Variants in FNDC7 observed in about 807,000 individuals in gnomAD.
FNDC7 encodes fibronectin type III domain-containing protein 7.
In FNDC7, 66 loss-of-function variants were observed where a neutral mutation model predicts 74.2. The observed-to-expected ratio is 0.89, with a 90% confidence interval of 0.73 to 1.09. The LOEUF is 1.09. Among genes scored for constraint, FNDC7 ranks in the 50% least tolerant of loss-of-function variants. FNDC7 has a pLI of 0.00. For synonymous variants in FNDC7, 307 were observed against 330.2 expected, an observed-to-expected ratio of 0.93 and a Z score of 0.76; for missense variants, 829 against 893.4, an observed-to-expected ratio of 0.93 and a Z score of 0.92.
intron 8 of FNDC7, 24 bp downstream of exon 8, chr1:108,728,910 A>G: frequency 1.9e-6 from 3 of 1,607,504 alleles, no homozygotes; most frequent in Non-Finnish European, 1.7e-6. Context: ...ACCAGCCTGA[A>G]TGTTGACTTC....
chr1:108,726,206 G>C (rs974119769), intron 6 of FNDC7, among the ~76,000 whole-genome samples: 1 of 152,210 alleles, frequency 6.6e-6, no homozygotes, highest in African/African-American at 2.4e-5. Flanking sequence ...TGCAAGGTTT[G>C]GGAGTGAAAA....
At chr1:108,732,381 A>C (rs937404214) in intron 9 of FNDC7, among the ~76,000 whole-genome samples, 1 of 151,092 alleles carries the variant, frequency 6.6e-6, no homozygotes, top group Non-Finnish European at 1.5e-5. Context: ...GCTACCATGG[A>C]TGAAGCGTGG....
chr1:108,733,838 C>CG (rs1227886966), intron 10 of FNDC7, among the ~76,000 whole-genome samples: 16 of 151,704 alleles, frequency 1.1e-4, no homozygotes, highest in Admixed American at 9.2e-4. Flanking sequence ...TTTGTAGAGA[C>CG]GGGGCTTCAG....
intron 7 of FNDC7, 116 bp downstream of exon 7, chr1:108,728,181 T>C: frequency 7.7e-7 from 1 of 1,296,824 alleles, no homozygotes; most frequent in Non-Finnish European, 1.1e-6. Context: ...TAATCAATCT[T>C]TGTGGAGACC....
Position 108,725,897 on chromosome 1 carries a change from C to T in FNDC7, c.1004C>T (p.Thr335Ile). Residue 335 changes from threonine (T) to isoleucine (I), a missense_variant, in exon 6 of 13, where the codon ACT becomes ATT. By Grantham distance (89) the Thr-to-Ile change is moderately conservative. Coordinates refer to ENST00000370017, the MANE Select transcript of FNDC7 (RefSeq NM_001144937.3). ...GLEVHCNTSLTQCNFLSECGF... is the reference protein window; with the variant it reads ...GLEVHCNTSLIQCNFLSECGF... ...GAAGTACACTGCAACACATCTCTCA[C>T]TCAGTGCAACTTCTTATCTGAGTGT... is the stretch of plus-strand genomic sequence containing the variant. The T allele has an allele frequency of 6.2e-7, 1 of 1,614,116 alleles. No individual in the cohort carries two copies. Among genetic ancestry groups the T allele is most frequent in the South Asian group, 1.1e-5 (1 of 91,076 alleles).
At chr1:108,732,723 CCT>C (rs995153656) in intron 9 of FNDC7, among the ~76,000 whole-genome samples, 7 of 151,696 alleles carry the variant, frequency 4.6e-5, no homozygotes, top group Non-Finnish European at 1.0e-4. Flanking sequence ...TCCCTCCCTC[CCT>C]CTCTTTTCTC....
At chr1:108,739,271 A>G (rs1316370566) in intron 11 of FNDC7, among the ~76,000 whole-genome samples, 1 of 152,176 alleles carries the variant, frequency 6.6e-6, no homozygotes, top group African/African-American at 2.4e-5. Context: ...AGACCAAAGC[A>G]GGATTGCTTG....
At position 108,722,216 on chromosome 1, in the gene FNDC7, C is replaced by T. The variant is rs957367208; in HGVS notation, c.599-119C>T. 2.9e-6 allele frequency: 3 copies of T among 1,031,548 alleles called. No homozygotes were observed. The African/African-American group carries it at 4.9e-5, about 17-fold the overall frequency. The allele number at this position is 1,031,548 out of a possible 1,614,324, so 63.9% of individuals were successfully genotyped here. A position where few individuals can be genotyped will look rare whatever the true frequency, so the allele number is the denominator to read the frequency against. ...CTAAATCCCAATTTTATGCTTTGAA[C>T]ACTTGTAATTATCCAACTATTGGGT... On this transcript the variant is annotated intron_variant, in intron 4 of 12. Transcript: ENST00000370017.
At chr1:108,713,378 T>C in intron 1 of FNDC7, 133 bp from the exon 2 acceptor site, 1 of 749,478 alleles carries the variant, frequency 1.3e-6, no homozygotes, top group Non-Finnish European at 2.3e-6. Flanking sequence ...GAAATACTTG[T>C]ATGGATTGAA....
intron 2 of FNDC7, among the ~76,000 whole-genome samples, chr1:108,714,434 G>A (rs1313684774): frequency 6.6e-6 from 1 of 152,066 alleles, no homozygotes; most frequent in Non-Finnish European, 1.5e-5. Flanking sequence ...TCAGCACTTT[G>A]GGAAGCCAAG....
chr1:108,718,015 A>G lies in FNDC7; in HGVS notation c.321A>G (p.Pro107=), dbSNP rs1570724383. 1 of 1,551,682 alleles carries G rather than the reference A, an allele frequency of 6.4e-7. No individual in the cohort carries two copies. The highest frequency in any genetic ancestry group is 2.4e-5 in the East Asian group (1 of 40,912). ...SAAGRSQASP[P]KQAKTVLAAP... ...CTGGGAGAAGCCAGGCGTCACCTCC[A>G]AAGCAGGCAAAGACAGGTGGCTGGA... The change falls in exon 3 of 13, where the codon CCA becomes CCG. Residue 107 remains proline (P), a synonymous_variant. Coordinates refer to ENST00000370017, the MANE Select transcript of FNDC7 (RefSeq NM_001144937.3).
Position 108,730,928 on chromosome 1 carries a change from G to A in FNDC7, c.1879G>A (p.Gly627Ser). The A allele has an allele frequency of 1.2e-6, 2 of 1,606,626 alleles. No homozygotes were observed. The highest frequency in any genetic ancestry group is 1.1e-5 in the South Asian group (1 of 89,362). ...TTGCTCCTACCAAAGTTATTTCTCTGGTAAGTGAACTCTAGCTCTAGAGTA... is the reference window on the plus strand; with the variant it reads ...TTGCTCCTACCAAAGTTATTTCTCTAGTAAGTGAACTCTAGCTCTAGAGTA... ...ADCSYQSYFS[G>S]ACCPLGVKLY... The change falls in exon 9 of 13, where the codon GGT (glycine) becomes AGT (serine). Residue 627 changes from glycine to serine, a missense_variant and splice_region_variant. Coordinates refer to ENST00000370017, the MANE Select transcript of FNDC7 (RefSeq NM_001144937.3).
At chr1:108,741,658 C>A in intron 11 of FNDC7, 115 bp from the exon 12 acceptor site, 2 of 1,095,112 alleles carry the variant, frequency 1.8e-6, no homozygotes, top group Admixed American at 2.0e-5. Context: ...TGAAGTGCTG[C>A]AAAAATAGCA....
chr1:108,722,101 C>G (rs1348813267), intron 4 of FNDC7, among the ~76,000 whole-genome samples: 2 of 152,066 alleles, frequency 1.3e-5, no homozygotes, highest in East Asian at 1.9e-4. Flanking sequence ...AAATAAATAA[C>G]AAAAAGGGTA....
chr1:108,713,566 A>G (rs937641677), intron 2 of FNDC7, 37 bp downstream of exon 2: 2 of 1,523,934 alleles, frequency 1.3e-6, no homozygotes, highest in East Asian at 2.5e-5. Flanking sequence ...TCCTTCTCGT[A>G]TTTGATTTTA....
chr1:108,739,644 C>T (rs1173781368), intron 11 of FNDC7, among the ~76,000 whole-genome samples: 1 of 152,204 alleles, frequency 6.6e-6, no homozygotes, highest in South Asian at 2.1e-4. Context: ...GTATTAGAAT[C>T]TCCTGGACAG....
intron 4 of FNDC7, among the ~76,000 whole-genome samples, chr1:108,719,780 G>A (rs1020713123): frequency 1.3e-5 from 2 of 150,936 alleles, no homozygotes; most frequent in African/African-American, 4.9e-5. Flanking sequence ...GAGAGAGAAC[G>A]AGAGGGGGTG....
chr1:108,718,720 T>C, intron 3 of FNDC7, 69 bp from the exon 4 acceptor site: 1 of 1,477,460 alleles, frequency 6.8e-7, no homozygotes, highest in South Asian at 1.3e-5. Context: ...TCAATTTACT[T>C]GCTTCTAAAT....
In FNDC7 at chr1:108,737,647, C is replaced by T. The variant is rs550139763; in HGVS notation, c.2170+123C>T. 4.7e-4 allele frequency: 325 copies of T among 694,258 alleles called. 2 individuals carry two copies. In the East Asian group the frequency reaches 8.6e-3, roughly 18 times the overall value. 43.0% of individuals were successfully genotyped at this position (694,258 alleles called of 1,614,324 possible). On this transcript the variant is annotated intron_variant, in intron 11 of 12. Coordinates refer to ENST00000370017, the MANE Select transcript of FNDC7 (RefSeq NM_001144937.3). ...CTTTCTTTCTTTGATACAAGGGGCTCCTGCTCTCTTATCCCATGACTTTTT... is the reference window on the plus strand; with the variant it reads ...CTTTCTTTCTTTGATACAAGGGGCTTCTGCTCTCTTATCCCATGACTTTTT...
Sources: gnomAD v4.1 joint callset for allele counts (sites outside exome capture counted in the v4.1 genomes callset) on GRCh38, gnomAD v4.1.1 for gene constraint, MANE v1.5 for transcripts, NCBI Gene and HGNC (gene_info 2026-07-23, HGNC 2026-07-21) for gene names.